Variants in LYPD6B observed in about 807,000 individuals in gnomAD.
LYPD6B encodes LY6/PLAUR domain containing 6B.
A neutral mutation model predicts 22.8 loss-of-function variants in LYPD6B; 17 were observed. The observed-to-expected ratio is 0.75, with a 90% CI of 0.51 to 1.12. The LOEUF is 1.12. Among genes scored for constraint, LYPD6B ranks in the 50% most tolerant of loss-of-function variants. The probability of loss-of-function intolerance (pLI) is 0.00; values close to 1 mark genes in which losing one functional copy is unlikely to be tolerated. For synonymous variants in LYPD6B, 106 were observed against 91.6 expected (o/e 1.16, Z -0.90); for missense variants, 221 against 258.3 (o/e 0.86, Z 0.99).
At chr2:149,196,620 G>T (rs1195045224) in intron 3 of LYPD6B, among the ~76,000 whole-genome samples, 1 of 152,126 alleles carries the variant, frequency 6.6e-6, no homozygotes, top group Non-Finnish European at 1.5e-5. Flanking sequence ...AGATTATAGG[G>T]AATACTGTCT....
chr2:149,088,095 T>TCCCCCCCCCC (rs11462284), intron 1 of LYPD6B, among the ~76,000 whole-genome samples: 1 of 144,548 alleles, frequency 6.9e-6, no homozygotes, highest in African/African-American at 2.6e-5. Flanking sequence ...CTCCTGTTGC[T>TCCCCCCCCCC]CCCCCCACCC....
At chr2:149,157,339 A>G (rs1049480081) in intron 2 of LYPD6B, among the ~76,000 whole-genome samples, 13 of 152,308 alleles carry the variant, frequency 8.5e-5, no homozygotes, top group Middle Eastern at 6.8e-3. Flanking sequence ...ACACAGGAGG[A>G]ACTCAAGACT....
chr2:149,212,398 A>G (rs1032143666), intron 5 of LYPD6B, among the ~76,000 whole-genome samples: 27 of 150,686 alleles, frequency 1.8e-4, no homozygotes, highest in Non-Finnish European at 3.4e-4. Context: ...AAAAAAAAAA[A>G]AAAAAAGAAA....
chr2:149,069,700 G>A (rs1471781871), intron 1 of LYPD6B, among the ~76,000 whole-genome samples: 1 of 152,022 alleles, frequency 6.6e-6, no homozygotes, highest in African/African-American at 2.4e-5. Flanking sequence ...CTATAACTCT[G>A]CATGTTATTA....
intron 2 of LYPD6B, among the ~76,000 whole-genome samples, chr2:149,137,710 C>T (rs1246167847): frequency 6.6e-6 from 1 of 151,962 alleles, no homozygotes; most frequent in East Asian, 1.9e-4. Context: ...AGATTGTTTT[C>T]ATTTTTTCTT....
At chr2:149,178,740 T>C (rs1481928991) in intron 3 of LYPD6B, among the ~76,000 whole-genome samples, 1 of 152,248 alleles carries the variant, frequency 6.6e-6, no homozygotes, top group Non-Finnish European at 1.5e-5. Flanking sequence ...GTCAGTGGTA[T>C]ATATTCTTCT....
chr2:149,098,429 A>ACC (rs1686006943), intron 1 of LYPD6B, among the ~76,000 whole-genome samples: 1 of 152,172 alleles, frequency 6.6e-6, no homozygotes, highest in African/African-American at 2.4e-5. Context: ...GTTCAAGACC[A>ACC]GCCTGGGAAA....
At chr2:149,214,473 T>G in intron 6 of LYPD6B, 73 bp from the exon 7 acceptor site, 2 of 1,508,642 alleles carry the variant, frequency 1.3e-6, no homozygotes, top group Non-Finnish European at 1.8e-6. Flanking sequence ...AAGCCTTTGT[T>G]TTATCTTTCT....
At chr2:149,212,380 C>CAAAAAAAAAAAAAAAAA (rs386391473) in intron 5 of LYPD6B, among the ~76,000 whole-genome samples, 6 of 60,134 alleles carry the variant, frequency 1.0e-4, no homozygotes, top group African/African-American at 4.5e-4. Flanking sequence ...GACTCCGTCT[C>CAAAAAAAAAAAAAAAAA]AAAAAAAAAA....
Position 149,199,396 on chromosome 2 carries a change from C to G in LYPD6B, c.78-5857C>G, listed in dbSNP as rs554803059. ...TTGTATTAATTCTTGTCAGTCACAT[C>G]TTACCAGTGGCTCATATTGACTTTT... is the stretch of plus-strand genomic sequence containing the variant. On this transcript the variant is annotated intron_variant, in intron 3 of 6. Transcript: ENST00000409642. Among the ~76,000 whole-genome samples, 481 of 152,292 alleles carry G rather than the reference C, an allele frequency of 3.2e-3. 2 individuals carry two copies. Among genetic ancestry groups the G allele is most frequent in the African/African-American group, 0.011 (458 of 41,556 alleles).
intron 3 of LYPD6B, among the ~76,000 whole-genome samples, chr2:149,166,759 C>A (rs964128523): frequency 6.6e-6 from 1 of 152,078 alleles, no homozygotes; most frequent in African/African-American, 2.4e-5. Flanking sequence ...CATGTTCACC[C>A]TAATATGGAC....
At chr2:149,186,666 G>C (rs1003841646) in intron 3 of LYPD6B, among the ~76,000 whole-genome samples, 9 of 152,166 alleles carry the variant, frequency 5.9e-5, no homozygotes, top group Admixed American at 4.6e-4. Flanking sequence ...GTGCAGTGGT[G>C]TGATCATGGC....
intron 1 of LYPD6B, among the ~76,000 whole-genome samples, chr2:149,118,775 T>C (rs1687134956): frequency 6.6e-6 from 1 of 152,208 alleles, no homozygotes; most frequent in Admixed American, 6.5e-5. Context: ...TTCAAGATCA[T>C]GTAGTGAATG....
chr2:149,076,324 A>AT (rs1407440127), intron 1 of LYPD6B, among the ~76,000 whole-genome samples: 2 of 152,072 alleles, frequency 1.3e-5, no homozygotes, highest in Non-Finnish European at 2.9e-5. Context: ...ATACATTTTG[A>AT]TTTTCTTCTT....
chr2:149,188,343 C>T (rs1038472744), intron 3 of LYPD6B, among the ~76,000 whole-genome samples: 6 of 152,142 alleles, frequency 3.9e-5, no homozygotes, highest in Admixed American at 6.5e-5. Flanking sequence ...CCTTGGATCT[C>T]TTCTAAACTC....
chr2:149,212,220 C>CAAA (rs933016289), intron 5 of LYPD6B, among the ~76,000 whole-genome samples: 1 of 139,844 alleles, frequency 7.2e-6, no homozygotes, highest in African/African-American at 2.6e-5. Context: ...TACTAAAAAT[C>CAAA]AAAAAAAAAA....
Position 149,048,393 on chromosome 2 carries a change from A to T in LYPD6B, c.-67+9592A>T, listed in dbSNP as rs1997050. Among the ~76,000 whole-genome samples, 12 of 152,272 alleles carry T rather than the reference A, an allele frequency of 7.9e-5. 2 individuals carry two copies. In the East Asian group the frequency reaches 2.3e-3, roughly 29 times the overall value. On this transcript the variant is annotated intron_variant, in intron 1 of 6. Coordinates refer to ENST00000409642, the MANE Select transcript of LYPD6B (RefSeq NM_177964.5). ...TCAAATTCCTCTAGTGATGCCTTGT[A>T]TTTAGGGTTGGAGCTGGCTTGCCAA... is the stretch of plus-strand genomic sequence containing the variant.
chr2:149,131,047 A>G, intron 2 of LYPD6B, 94 bp downstream of exon 2: 1 of 836,630 alleles, frequency 1.2e-6, no homozygotes, highest in African/African-American at 1.7e-5. Context: ...GCAAAAATAT[A>G]TTAAACATTT....
intron 1 of LYPD6B, among the ~76,000 whole-genome samples, chr2:149,120,576 G>T (rs1225763186): frequency 1.4e-5 from 2 of 147,902 alleles, no homozygotes; most frequent in African/African-American, 2.5e-5. Flanking sequence ...GTAGAGACGG[G>T]GTTTCACCGG....
Sources: allele counts gnomAD v4.1 joint callset (sites outside exome capture counted in the v4.1 genomes callset), GRCh38; gene constraint gnomAD v4.1.1; transcripts MANE v1.5; gene names NCBI Gene and HGNC (gene_info 2026-07-23, HGNC 2026-07-21).